The following RP1 variants were observed in gnomAD, a reference collection of about 807,000 sequenced individuals.
RP1 encodes the protein oxygen-regulated protein 1.
RP1 carries 16 observed loss-of-function variants against 14.8 expected under a neutral mutation model. The observed-to-expected ratio is 1.08, with a 90% CI of 0.73 to 1.65. The LOEUF is 1.65. Among genes scored for constraint, RP1 ranks in the 40% most tolerant of loss-of-function variants. The pLI, the probability that RP1 is intolerant of heterozygous loss-of-function variation, is 0.00. For missense variants in RP1, 2,631 were observed against 2,535.0 expected, an observed-to-expected ratio of 1.04 and a Z score of -0.81; for synonymous variants, 876 against 883.6, an observed-to-expected ratio of 0.99 and a Z score of 0.15.
At chr8:54,825,985 T>C (rs2129398951) in intron 24 of RP1, among the ~76,000 whole-genome samples, 1 of 152,194 alleles carries the variant, frequency 6.6e-6, no homozygotes, top group South Asian at 2.1e-4. Flanking sequence ...GTAGGATCAC[T>C]TGAGCCCAGA....
downstream of RP1, among the ~76,000 whole-genome samples, chr8:54,773,363 G>A (rs927912305): frequency 2.6e-5 from 4 of 152,048 alleles, no homozygotes; most frequent in African/African-American, 9.7e-5. Flanking sequence ...AGGTCCAGGT[G>A]CGGTGGCTCA....
chr8:54,828,995 C>A (rs984724303), intron 24 of RP1, among the ~76,000 whole-genome samples: 1 of 147,864 alleles, frequency 6.8e-6, no homozygotes, highest in Non-Finnish European at 1.5e-5. Flanking sequence ...CAGGCTCAAG[C>A]GATTCTCCCG....
chr8:54,670,506 C>CACATATATATGTATGTGTATATATAT (rs1563343124), intron 7 of RP1, among the ~76,000 whole-genome samples: 2 of 39,562 alleles, frequency 5.1e-5, no homozygotes, highest in South Asian at 1.9e-3. Context: ...TATATATATA[C>CACATATATATGTATGTGTATATATAT]ACATATATAT....
At chr8:54,860,757 T>C (rs532456122) in intron 27 of RP1, among the ~76,000 whole-genome samples, 1 of 152,246 alleles carries the variant, frequency 6.6e-6, no homozygotes, top group Non-Finnish European at 1.5e-5. Context: ...GCAGGGCCTA[T>C]GGTGACAGAC....
In RP1 at chr8:54,825,039, C is replaced by G. The variant is rs577350619; in HGVS notation, c.3616-12411C>G. Among the ~76,000 whole-genome samples, 7 of 151,902 alleles carry G rather than the reference C, an allele frequency of 4.6e-5. No homozygotes were observed. In the East Asian group the frequency reaches 7.8e-4, roughly 17 times the overall value. ...AGATAGAGTGCAGTGGCGCGATCTC[C>G]GCTCACTGCAAGCTCCGCCTCCCGG... is the stretch of plus-strand genomic sequence containing the variant. On this transcript the variant is annotated intron_variant, in intron 24 of 28. Coordinates refer to the RP1 transcript ENST00000637698.
chr8:54,828,682 T>A (rs1464734606), intron 24 of RP1, among the ~76,000 whole-genome samples: 1 of 152,140 alleles, frequency 6.6e-6, no homozygotes, highest in African/African-American at 2.4e-5. Flanking sequence ...TTATCAAGTA[T>A]GTACTGTACA....
chr8:54,702,377 C>G (rs1808045676), intron 14 of RP1, among the ~76,000 whole-genome samples: 1 of 152,142 alleles, frequency 6.6e-6, no homozygotes, highest in Non-Finnish European at 1.5e-5. Context: ...AAGCTAGTCA[C>G]ACAAATTCCT....
intron 16 of RP1, among the ~76,000 whole-genome samples, chr8:54,720,668 A>G (rs926414195): frequency 1.3e-5 from 2 of 152,334 alleles, no homozygotes; most frequent in East Asian, 3.9e-4. Context: ...CATTGCTATT[A>G]ATTTTTAATG....
intron 1 of RP1, among the ~76,000 whole-genome samples, chr8:54,572,306 C>T (rs550317109): frequency 2.0e-5 from 3 of 152,216 alleles, no homozygotes; most frequent in Non-Finnish European, 2.9e-5. Flanking sequence ...CCCATAAGAA[C>T]CCCAATCACA....
intron 1 of RP1, among the ~76,000 whole-genome samples, chr8:54,602,830 G>A (rs567032037): frequency 6.6e-6 from 1 of 152,288 alleles, no homozygotes; most frequent in East Asian, 1.9e-4. Context: ...CTGCATAAAT[G>A]TCTTCTTTTG....
At chr8:54,661,879 T>C (rs1051608699) in intron 6 of RP1, among the ~76,000 whole-genome samples, 2 of 152,194 alleles carry the variant, frequency 1.3e-5, no homozygotes, top group African/African-American at 2.4e-5. Context: ...TTCTCTCCAG[T>C]CTGCTCTTGA....
chr8:54,811,571 T>C (rs1810995506), intron 24 of RP1, among the ~76,000 whole-genome samples: 1 of 152,228 alleles, frequency 6.6e-6, no homozygotes, highest in Non-Finnish European at 1.5e-5. Flanking sequence ...GTGTCATATG[T>C]ATGCTTCTTC....
At position 54,626,217 on chromosome 8, in the gene RP1, T is replaced by C; in HGVS notation, c.2335T>C (p.Ser779Pro). Residue 779 changes from serine to proline, a missense_variant, in exon 4 of 4, where the codon TCT becomes CCT. Coordinates refer to ENST00000220676, the MANE Select transcript of RP1 (RefSeq NM_006269.2). ...TCAAGGACTTTTAACCAAAAGAAAA[T>C]CTAGATCACTAAATAAAATAAGCTT... ...KVQGLLTKRK[S>P]RSLNKISLGA... 1 of 1,609,940 alleles carries C rather than the reference T, an allele frequency of 6.2e-7. No homozygotes were observed. The highest frequency in any genetic ancestry group is 8.5e-7 in the Non-Finnish European group (1 of 1,178,788).
upstream of RP1, among the ~76,000 whole-genome samples, chr8:54,613,610 C>A (rs435326): frequency 0.28 from 42,233 of 151,876 alleles, 6,503 homozygotes; most frequent in East Asian, 0.64. Context: ...GATAAGGGGG[C>A]ATATTGGAGG....
At position 54,629,860 on chromosome 8, in the gene RP1, A is replaced by G. The variant is rs924332616; in HGVS notation, c.5978A>G (p.Tyr1993Cys). The change falls in exon 4 of 4, where the codon TAT becomes TGT. Residue 1993 changes from tyrosine to cysteine, a missense_variant. Transcript: ENST00000220676. ...ATTGGTGATATATTTGATCAGTTTT[A>G]TTTCAGTAACACATTTGACTTGATG... The part of the protein sequence containing the change: ...NAIGDIFDQF[Y>C]FSNTFDLMGK... The G allele has an allele frequency of 1.9e-6, 3 of 1,613,816 alleles. No individual in the cohort carries two copies. The highest frequency in any genetic ancestry group is 2.5e-6 in the Non-Finnish European group (3 of 1,179,940).
chr8:54,720,150 C>A, exon 16 of RP1: 1 of 1,534,618 alleles, frequency 6.5e-7, no homozygotes, highest in South Asian at 1.2e-5. Flanking sequence ...TGTTGACTGT[C>A]ATTTTAAAAT....
intron 27 of RP1, among the ~76,000 whole-genome samples, chr8:54,861,723 C>T (rs1042138292): frequency 6.6e-6 from 1 of 152,168 alleles, no homozygotes; most frequent in African/African-American, 2.4e-5. Flanking sequence ...CTGCCTCAGC[C>T]TCCCGAGTGG....
chr8:54,642,788 C>T (rs1328633568), intron 3 of RP1, among the ~76,000 whole-genome samples: 2 of 152,100 alleles, frequency 1.3e-5, no homozygotes, highest in Admixed American at 6.5e-5. Flanking sequence ...TAGATATTCT[C>T]AAGCTGCCAT....
chr8:54,764,413 A>G (rs1172964656), intron 22 of RP1, among the ~76,000 whole-genome samples: 1 of 152,174 alleles, frequency 6.6e-6, no homozygotes, highest in African/African-American at 2.4e-5. Flanking sequence ...TCATGGGTAT[A>G]TTTACTGGTG....
Sources: allele counts gnomAD v4.1 joint callset (sites outside exome capture counted in the v4.1 genomes callset), GRCh38; gene constraint gnomAD v4.1.1; transcripts MANE v1.5; gene names NCBI Gene and HGNC (gene_info 2026-07-23, HGNC 2026-07-21).